Variants in OTOGL observed in about 807,000 individuals in gnomAD.
The protein encoded by OTOGL is otogelin like, also known as otogelin-like protein.
In OTOGL, 285 loss-of-function variants were observed where a neutral mutation model predicts 318.5. The ratio of observed to expected loss-of-function variants is 0.89; its 90% confidence interval spans 0.81 to 0.99. OTOGL has a LOEUF of 0.99. OTOGL is among the 50% of genes least tolerant of loss of function. The pLI is 0.00. For missense variants in OTOGL, 2,899 were observed against 2,845.6 expected, an observed-to-expected ratio of 1.02 and a Z score of -0.43; for synonymous variants, 987 against 936.5, an observed-to-expected ratio of 1.05 and a Z score of -0.99.
At chr12:80,117,695 A>G (rs533201525) in intron 1 of OTOGL, among the ~76,000 whole-genome samples, 1 of 152,312 alleles carries the variant, frequency 6.6e-6, no homozygotes, top group South Asian at 2.1e-4. Flanking sequence ...ACGACCTAGA[A>G]GAATCCTCAA....
In OTOGL at chr12:80,336,832, C is replaced by A; in HGVS notation, c.4767+12C>A. On this transcript the variant is annotated intron_variant, in intron 41 of 58. Transcript: ENST00000547103. ...CCTTAAAAAAGCTAGTGAGTATTTG[C>A]AAAGTGTTTAGTACATTCATTCTGT... 1 of 1,533,526 alleles carries A rather than the reference C, an allele frequency of 6.5e-7. No homozygotes were observed. Among genetic ancestry groups the A allele is most frequent in the Non-Finnish European group, 8.8e-7 (1 of 1,132,912 alleles). 95.0% of individuals were successfully genotyped at this position (1,533,526 alleles called of 1,614,324 possible). A position where few individuals can be genotyped will look rare whatever the true frequency, so the allele number is the denominator to read the frequency against.
chr12:80,100,248 CTT>C (rs1314260767), intron 1 of OTOGL, among the ~76,000 whole-genome samples: 1 of 152,076 alleles, frequency 6.6e-6, no homozygotes, highest in Non-Finnish European at 1.5e-5. Flanking sequence ...CAATTCTACT[CTT>C]TTAGTTATTT....
At position 80,355,748 on chromosome 12, in the gene OTOGL, G is replaced by T; in HGVS notation, c.5606G>T (p.Ser1869Ile). ...TGATCTTTTTAAGCATGCACTGATA[G>T]TGAAGACCAACCCCGCACTGCTGGG... ...IPEKECACTD[S>I]EDQPRTAGEI... The change falls in exon 47 of 59, where the codon AGT becomes ATT. Residue 1869 changes from serine (S) to isoleucine (I), a missense_variant. Ser to Ile is a moderately radical substitution (Grantham distance 142). Transcript: ENST00000547103. The T allele has an allele frequency of 6.2e-7, 1 of 1,613,156 alleles. No individual in the cohort carries two copies. The highest frequency in any genetic ancestry group is 8.5e-7 in the Non-Finnish European group (1 of 1,179,384).
rs1292870557 is a variant in OTOGL, at chr12:80,108,932, G to A, written c.-20+9327G>A. Among the ~76,000 whole-genome samples, 11 of 92,900 alleles carry A rather than the reference G, an allele frequency of 1.2e-4. 1 individual carries two copies. The highest frequency in any genetic ancestry group is 5.6e-4 in the African/African-American group (10 of 17,862). 60.9% of individuals were successfully genotyped at this position (92,900 alleles called of 152,430 possible). On this transcript the variant is annotated intron_variant, in intron 1 of 58. Coordinates refer to ENST00000547103, the MANE Select transcript of OTOGL (RefSeq NM_001378609.3). ...TATATATATGTGTATATATATATGTGTGTGTATATATATATATATATACAC... is the reference window on the plus strand; with the variant it reads ...TATATATATGTGTATATATATATGTATGTGTATATATATATATATATACAC...
Position 80,373,469 on chromosome 12 carries a change from A to T in OTOGL, c.6781+1405A>T, listed in dbSNP as rs138748900. 5.6e-3 allele frequency among the ~76,000 whole-genome samples: 699 copies of T among 124,188 alleles called. 6 individuals are homozygous for T. The highest frequency in any genetic ancestry group is 0.02 in the African/African-American group (676 of 33,024). 81.5% of individuals were successfully genotyped at this position (124,188 alleles called of 152,430 possible). ...CAAACAAACAAACAAACAAACAAAC[A>T]AACTGTGGTATAGGGCCAGATTCTT... On this transcript the variant is annotated intron_variant, in intron 57 of 58. Transcript: ENST00000547103.
At chr12:80,367,499 A>G (rs1890615586) in intron 53 of OTOGL, 62 bp from the exon 54 acceptor site, 2 of 1,255,480 alleles carry the variant, frequency 1.6e-6, no homozygotes, top group Non-Finnish European at 2.1e-6. Flanking sequence ...ATAAGTTCCA[A>G]CGATGGATTA....
chr12:80,238,144 C>G (rs1880030570), intron 9 of OTOGL, among the ~76,000 whole-genome samples: 1 of 152,112 alleles, frequency 6.6e-6, no homozygotes, highest in African/African-American at 2.4e-5. Context: ...CACTCACTAC[C>G]AAATATCTGT....
Position 80,377,104 on chromosome 12 carries a change from A to G in OTOGL, c.6782-19A>G, listed in dbSNP as rs1891212168. The G allele has an allele frequency of 1.9e-6, 3 of 1,566,062 alleles. No homozygotes were observed. The highest frequency in any genetic ancestry group is 2.6e-6 in the Non-Finnish European group (3 of 1,145,714). Reference sequence around the variant, plus strand: ...TAACGTAGGCCTTTGATGAATAAATACATTTTATATTTTATCAGGCAAACG... The same window carrying G: ...TAACGTAGGCCTTTGATGAATAAATGCATTTTATATTTTATCAGGCAAACG... On this transcript the variant is annotated intron_variant, in intron 57 of 58. Coordinates refer to ENST00000547103, the MANE Select transcript of OTOGL (RefSeq NM_001378609.3).
Position 80,229,343 on chromosome 12 carries a change from A to G in OTOGL, c.576A>G (p.Arg192=), listed in dbSNP as rs1460544228. Residue 192 remains arginine (R), a synonymous_variant, in exon 8 of 59, where the codon CGA becomes CGG. Transcript: ENST00000547103. ...SLFFSNQEEI[R]IYGHEIKKNG... is the part of the protein sequence containing the mutation. ...TCTTTTCAAACCAAGAGGAAATTCG[A>G]ATTTATGGTCATGAAATAAAAAAGA... is the stretch of plus-strand genomic sequence containing the variant. 3.8e-6 allele frequency: 6 copies of G among 1,596,228 alleles called. No individual in the cohort carries two copies. The South Asian group carries it at 5.5e-5, about 15-fold the overall frequency.
intron 13 of OTOGL, among the ~76,000 whole-genome samples, chr12:80,252,533 T>G (rs947886572): frequency 1.3e-5 from 2 of 152,180 alleles, no homozygotes; most frequent in Non-Finnish European, 2.9e-5. Flanking sequence ...AGAGAAAGGT[T>G]TCACATTTTT....
chr12:80,258,020 A>G lies in OTOGL; in HGVS notation c.1889+18A>G, dbSNP rs775660989. 9.0e-6 allele frequency: 14 copies of G among 1,554,514 alleles called. No homozygotes were observed. Among genetic ancestry groups the G allele is most frequent in the East Asian group, 2.3e-5 (1 of 44,418 alleles). ...GATTTTCTGTAAGTATGATTTCTGC[A>G]TAGTTAACATACTTAATGACTGGTC... is the stretch of plus-strand genomic sequence containing the variant. On this transcript the variant is annotated intron_variant, in intron 18 of 58. Coordinates refer to ENST00000547103, the MANE Select transcript of OTOGL (RefSeq NM_001378609.3).
intron 44 of OTOGL, among the ~76,000 whole-genome samples, chr12:80,347,651 C>T (rs995998137): frequency 7.2e-5 from 11 of 151,978 alleles, no homozygotes; most frequent in Admixed American, 7.2e-4. Flanking sequence ...AATGGGATTG[C>T]TGGGTCAAAT....
intron 48 of OTOGL, 129 bp from the exon 49 acceptor site, chr12:80,356,678 A>G (rs1259273057): frequency 3.1e-5 from 19 of 606,096 alleles, no homozygotes; most frequent in Non-Finnish European, 4.7e-5. Context: ...TCTTTCATAT[A>G]TATGTATATA....
chr12:80,219,777 T>G, intron 5 of OTOGL, 37 bp from the exon 6 acceptor site: 3 of 1,312,032 alleles, frequency 2.3e-6, no homozygotes, highest in Non-Finnish European at 3.2e-6. Context: ...AACAAATGGA[T>G]GCCAGAAGAT....
chr12:80,335,794 A>C (rs1270676219), intron 38 of OTOGL, among the ~76,000 whole-genome samples, 169 bp from the exon 39 acceptor site: 1 of 152,180 alleles, frequency 6.6e-6, no homozygotes, highest in East Asian at 1.9e-4. Context: ...TGAATATTAT[A>C]GAAAGGGTAC....
intron 19 of OTOGL, 27 bp downstream of exon 19, chr12:80,262,120 C>A: frequency 6.3e-7 from 1 of 1,589,654 alleles, no homozygotes. Context: ...AACTTCCTTT[C>A]TGCTGTAAAC....
intron 1 of OTOGL, among the ~76,000 whole-genome samples, chr12:80,155,520 G>A (rs1364085426): frequency 6.6e-6 from 1 of 152,056 alleles, no homozygotes; most frequent in Non-Finnish European, 1.5e-5. Context: ...AAGAGATAGG[G>A]TACATGAGAT....
At chr12:80,131,597 A>G (rs907623310) in intron 1 of OTOGL, among the ~76,000 whole-genome samples, 1 of 152,190 alleles carries the variant, frequency 6.6e-6, no homozygotes, top group Non-Finnish European at 1.5e-5. Context: ...AGGGTGACTG[A>G]CATTTACTGC....
At position 80,186,475 on chromosome 12, in the gene OTOGL, G is replaced by A. The variant is rs147776290; in HGVS notation, c.-19-22938G>A. On this transcript the variant is annotated intron_variant, in intron 1 of 58. Transcript: ENST00000547103. ...GTCTCCCTGTTTCAATCTCTCTAAT[G>A]CATCCCTAACACATGTATCTTCCCC... Among the ~76,000 whole-genome samples, 276 of 152,128 alleles carry A rather than the reference G, an allele frequency of 1.8e-3. 2 individuals carry two copies. The highest frequency in any genetic ancestry group is 6.5e-3 in the African/African-American group (270 of 41,480).
Sources: gnomAD v4.1 joint callset for allele counts (sites outside exome capture counted in the v4.1 genomes callset) on GRCh38, gnomAD v4.1.1 for gene constraint, MANE v1.5 for transcripts, NCBI Gene and HGNC (gene_info 2026-07-23, HGNC 2026-07-21) for gene names.